Variants in C11orf65 observed in about 807,000 individuals in gnomAD.
C11orf65 encodes the protein protein MFI.
In C11orf65, 38 loss-of-function variants were observed where a neutral mutation model predicts 35.3. The ratio of observed to expected loss-of-function variants is 1.08; its 90% CI spans 0.83 to 1.41. The LOEUF (loss-of-function observed/expected upper bound fraction) is 1.41, where lower values mean the gene tolerates loss of function less well. Ranked by LOEUF, C11orf65 falls within the 40% of genes most tolerant of loss-of-function variation. The pLI is 0.00. For missense variants in C11orf65, 370 were observed against 367.1 expected (o/e 1.01, Z -0.06); for synonymous variants, 105 against 114.4 (o/e 0.92, Z 0.53).
intron 2 of C11orf65, chr11:108,335,331 A>G: frequency 7.1e-7 from 1 of 1,409,376 alleles, no homozygotes; most frequent in Non-Finnish European, 9.5e-7. Context: ...ATTCAAGTAA[A>G]AGAATACCAT....
intron 2 of C11orf65, among the ~76,000 whole-genome samples, chr11:108,449,840 T>C (rs1351211455): frequency 6.6e-6 from 1 of 151,504 alleles, no homozygotes; most frequent in Non-Finnish European, 1.5e-5. Context: ...ACCATCAGAG[T>C]GAACAGGCGA....
At chr11:108,448,394 T>C (rs2093296830) in intron 2 of C11orf65, among the ~76,000 whole-genome samples, 1 of 152,184 alleles carries the variant, frequency 6.6e-6, no homozygotes, top group South Asian at 2.1e-4. Flanking sequence ...AATAAAATAC[T>C]GGCCAACCAA....
intron 3 of C11orf65, among the ~76,000 whole-genome samples, chr11:108,410,983 A>G (rs1316070582): frequency 6.6e-6 from 1 of 152,086 alleles, no homozygotes; most frequent in East Asian, 1.9e-4. Flanking sequence ...TGCTGGTATT[A>G]CAGGCATGAG....
At chr11:108,336,023 G>A in intron 2 of C11orf65, 1 of 1,297,224 alleles carries the variant, frequency 7.7e-7, no homozygotes, top group Non-Finnish European at 1.1e-6. Context: ...TTGGTTGGGT[G>A]AAGTGGCTCA....
chr11:108,308,892 A>G (rs2083897270), exon 7 of C11orf65: 1 of 819,118 alleles, frequency 1.2e-6, no homozygotes, highest in African/African-American at 1.7e-5. Flanking sequence ...GAGGCCTATC[A>G]GAAGCTTTAA....
downstream of C11orf65, chr11:108,330,507 T>G (rs963382180): frequency 8.9e-6 from 12 of 1,341,272 alleles, no homozygotes; most frequent in Non-Finnish European, 1.3e-5. Context: ...TGTATACCTC[T>G]TTGTATTCCT....
rs112678345 is a variant in C11orf65 at position 108,439,555 on chromosome 11, A to C, written c.82-7717T>G. Among the ~76,000 whole-genome samples, 1,267 of 152,328 alleles carry C rather than the reference A, an allele frequency of 8.3e-3. 15 individuals are homozygous for C. The highest frequency in any genetic ancestry group is 0.029 in the African/African-American group (1,201 of 41,566). On this transcript the variant is annotated intron_variant, in intron 2 of 8. Coordinates refer to ENST00000393084, the MANE Select transcript of C11orf65 (RefSeq NM_152587.5). ...TAGCAGCATTATTCACAGTAACCAAAAAGTGGAAATAGCCCAAATGTCCAT... is the reference window on the plus strand; with the variant it reads ...TAGCAGCATTATTCACAGTAACCAACAAGTGGAAATAGCCCAAATGTCCAT...
chr11:108,319,827 T>C, intron 6 of C11orf65: 1 of 690,734 alleles, frequency 1.4e-6, no homozygotes, highest in South Asian at 1.9e-5. Context: ...CCAAAAATTC[T>C]AGAAATGCAT....
intron 2 of C11orf65, among the ~76,000 whole-genome samples, chr11:108,454,487 G>A (rs1054292270): frequency 6.6e-5 from 10 of 151,834 alleles, no homozygotes; most frequent in East Asian, 1.9e-4. Flanking sequence ...TAGTAGAGAC[G>A]AGGTTTCTCC....
chr11:108,326,292 A>C, intron 6 of C11orf65: 1 of 1,550,708 alleles, frequency 6.4e-7, no homozygotes, highest in Non-Finnish European at 8.8e-7. Flanking sequence ...TGTACTTTAA[A>C]ATATTTTTAA....
In C11orf65 at chr11:108,453,030, T is replaced by C. The variant is rs548177030; in HGVS notation, c.81+8449A>G. Among the ~76,000 whole-genome samples, 115 of 147,388 alleles carry C rather than the reference T, an allele frequency of 7.8e-4. 1 individual carries two copies. Among genetic ancestry groups the C allele is most frequent in the Non-Finnish European group, 1.3e-3 (89 of 66,778 alleles). ...TGGGGGGAGGGGGGAGGGATAGCAT[T>C]AGGAGATATACCTAATGTAAACGAT... is the stretch of plus-strand genomic sequence containing the variant. On this transcript the variant is annotated intron_variant, in intron 2 of 8. Coordinates refer to ENST00000393084, the MANE Select transcript of C11orf65 (RefSeq NM_152587.5).
intron 2 of C11orf65, among the ~76,000 whole-genome samples, chr11:108,375,050 T>C (rs566661527): frequency 1.7e-4 from 26 of 152,264 alleles, no homozygotes; most frequent in African/African-American, 5.5e-4. Flanking sequence ...GGAACCAAGA[T>C]GGAAAACACT....
At chr11:108,454,464 A>G (rs2093389172) in intron 2 of C11orf65, among the ~76,000 whole-genome samples, 1 of 151,508 alleles carries the variant, frequency 6.6e-6, no homozygotes, top group African/African-American at 2.4e-5. Context: ...ATACCTGGCT[A>G]ATTTTGTATT....
chr11:108,343,869 A>C (rs2087931381), intron 2 of C11orf65, among the ~76,000 whole-genome samples: 1 of 152,234 alleles, frequency 6.6e-6, no homozygotes, highest in East Asian at 1.9e-4. Flanking sequence ...TGAGACATTT[A>C]CAATGTCACA....
At chr11:108,404,252 G>A (rs1357986775) in intron 6 of C11orf65, among the ~76,000 whole-genome samples, 1 of 152,216 alleles carries the variant, frequency 6.6e-6, no homozygotes, top group Non-Finnish European at 1.5e-5. Flanking sequence ...AAGCTGTAAT[G>A]TATATGGAAC....
chr11:108,363,910 A>G (rs774173716), intron 2 of C11orf65, among the ~76,000 whole-genome samples: 3 of 152,190 alleles, frequency 2.0e-5, no homozygotes, highest in Non-Finnish European at 4.4e-5. Flanking sequence ...TCATTAGTTC[A>G]TTAATAAAAT....
Position 108,331,441 on chromosome 11 carries a change from TAG to T in C11orf65, c.*107_*108del, listed in dbSNP as rs587781905. On this transcript the variant is annotated 3_prime_UTR_variant, in exon 4 of 4. Transcript: ENST00000524755. ...TAATTTTGTGTCTTTTTTTTAATGG[TAG>T]AGAGACGGAATGAAGATTCCAACAT... The T allele has an allele frequency of 6.2e-7, 1 of 1,612,790 alleles. No homozygotes were observed. Among genetic ancestry groups the T allele is most frequent in the East Asian group, 2.2e-5 (1 of 44,742 alleles).
At chr11:108,330,376 C>G (rs1057521604), downstream of C11orf65, 1 of 1,614,168 alleles carries the variant, frequency 6.2e-7, no homozygotes, top group Admixed American at 1.7e-5. Flanking sequence ...TTTGTTCCCT[C>G]TGGCTTGAAA....
chr11:108,428,039 C>T (rs1300728071), intron 3 of C11orf65, among the ~76,000 whole-genome samples: 1 of 151,032 alleles, frequency 6.6e-6, no homozygotes, highest in Non-Finnish European at 1.5e-5. Flanking sequence ...CCGTTTTAGC[C>T]GGGATGGTCT....
Sources: allele counts gnomAD v4.1 joint callset (sites outside exome capture counted in the v4.1 genomes callset), GRCh38; gene constraint gnomAD v4.1.1; transcripts MANE v1.5; gene names NCBI Gene and HGNC (gene_info 2026-07-23, HGNC 2026-07-21).